Variants in TRAPPC12 observed in about 807,000 individuals in gnomAD.
The protein encoded by TRAPPC12 is TPR repeat protein 15.
Under a neutral mutation model 69.2 loss-of-function variants are expected in TRAPPC12, and 61 were observed. The ratio of observed to expected loss-of-function variants is 0.88; its 90% CI spans 0.72 to 1.09. TRAPPC12 has a LOEUF of 1.09. TRAPPC12 is among the 50% of genes least tolerant of loss of function. The pLI is 0.00. For missense variants in TRAPPC12, 1,101 were observed against 1,016.4 expected (o/e 1.08, Z -1.13); for synonymous variants, 469 against 438.9 (o/e 1.07, Z -0.86).
chr2:3,412,616 A>C (rs1341192242), intron 3 of TRAPPC12, among the ~76,000 whole-genome samples: 1 of 152,156 alleles, frequency 6.6e-6, no homozygotes, highest in East Asian at 1.9e-4. Context: ...CTCATCTTGC[A>C]ATGAGCAAGT....
intron 3 of TRAPPC12, among the ~76,000 whole-genome samples, chr2:3,415,766 G>A (rs538525456): frequency 1.5e-4 from 22 of 150,332 alleles, no homozygotes; most frequent in African/African-American, 4.7e-4. Flanking sequence ...GCCCAGGCTG[G>A]AGTACAGTGG....
rs148271290 is a variant in TRAPPC12 at position 3,471,594 on chromosome 2, C to G, written c.1776+5899C>G. ...TGGGGCCCAGTGGGAATTTCCAGTT[C>G]TGAAGGAAATCTGTGTTGTAAGCAA... On this transcript the variant is annotated intron_variant, in intron 9 of 11. Coordinates refer to ENST00000324266, the MANE Select transcript of TRAPPC12 (RefSeq NM_016030.6). Among the ~76,000 whole-genome samples the G allele has an allele frequency of 7.4e-3, 1,128 of 152,268 alleles. 12 individuals carry two copies. The highest frequency in any genetic ancestry group is 0.026 in the African/African-American group (1,090 of 41,548).
intron 5 of TRAPPC12, among the ~76,000 whole-genome samples, chr2:3,430,340 GT>G (rs1364717698): frequency 2.0e-5 from 3 of 152,216 alleles, no homozygotes; most frequent in Non-Finnish European, 2.9e-5. Flanking sequence ...CAGCCTGTCA[GT>G]TTGTTTCCCC....
chr2:3,463,796 C>CT (rs1356778977), intron 8 of TRAPPC12, among the ~76,000 whole-genome samples: 1 of 152,022 alleles, frequency 6.6e-6, no homozygotes, highest in Non-Finnish European at 1.5e-5. Context: ...AAGTCAAAGC[C>CT]TGCCTTTTGT....
chr2:3,466,972 A>G (rs1665844384), intron 9 of TRAPPC12, among the ~76,000 whole-genome samples: 1 of 152,178 alleles, frequency 6.6e-6, no homozygotes, highest in African/African-American at 2.4e-5. Context: ...CCTGGAGACA[A>G]TCTCGGAAAT....
chr2:3,408,254 C>T (rs1461022650), intron 3 of TRAPPC12, among the ~76,000 whole-genome samples: 1 of 152,236 alleles, frequency 6.6e-6, no homozygotes, highest in Non-Finnish European at 1.5e-5. Flanking sequence ...AAGCCTATCA[C>T]ACTGGCAGCA....
intron 6 of TRAPPC12, among the ~76,000 whole-genome samples, chr2:3,448,351 T>C (rs1239390656): frequency 1.3e-5 from 2 of 152,172 alleles, no homozygotes; most frequent in Non-Finnish European, 2.9e-5. Flanking sequence ...CTCTGATGCT[T>C]TGTAAAGCAG....
chr2:3,409,126 GC>G (rs1463124284), intron 3 of TRAPPC12, among the ~76,000 whole-genome samples: 1 of 152,166 alleles, frequency 6.6e-6, no homozygotes, highest in African/African-American at 2.4e-5. Context: ...TCACAACTTT[GC>G]AAAAAGTTAA....
intron 3 of TRAPPC12, among the ~76,000 whole-genome samples, chr2:3,402,766 A>G (rs137890499): frequency 1.3e-3 from 204 of 152,312 alleles, no homozygotes; most frequent in East Asian, 2.5e-3. Flanking sequence ...CAGGAATCCT[A>G]TGGTAGCCAT....
At position 3,388,215 on chromosome 2, in the gene TRAPPC12, C is replaced by T. The variant is rs201795564; in HGVS notation, c.592C>T (p.Gln198Ter). The T allele has an allele frequency of 1.2e-6, 2 of 1,609,012 alleles. No individual in the cohort carries two copies. The highest frequency in any genetic ancestry group is 1.7e-6 in the Non-Finnish European group (2 of 1,177,848). ...CGAGGCCTCGGCCAGGACACCGCCC[C>T]AGGTCGTGCAGCCCAGCCCCAGCCT... is the stretch of plus-strand genomic sequence containing the variant. Reference protein sequence around the residue: ...ASEASARTPPQVVQPSPSLST... With the variant: ...ASEASARTPP Residue 198 changes from glutamine to a stop codon, truncating the protein, a stop_gained, in exon 2 of 12, where the codon CAG becomes TAG. Coordinates refer to ENST00000324266, the MANE Select transcript of TRAPPC12 (RefSeq NM_016030.6). LOFTEE classifies it high-confidence loss of function.
intron 5 of TRAPPC12, among the ~76,000 whole-genome samples, chr2:3,439,180 A>C (rs1440810323): frequency 6.6e-6 from 1 of 152,206 alleles, no homozygotes. Context: ...TTTAATTTGC[A>C]GTTCCCTAAT....
chr2:3,399,928 C>T (rs927794651), intron 2 of TRAPPC12, among the ~76,000 whole-genome samples: 1 of 152,044 alleles, frequency 6.6e-6, no homozygotes. Flanking sequence ...TCAGTCACTG[C>T]GTGCTCCCAG....
intron 5 of TRAPPC12, among the ~76,000 whole-genome samples, chr2:3,424,922 G>A (rs1292099418): frequency 6.6e-6 from 1 of 152,262 alleles, no homozygotes; most frequent in Non-Finnish European, 1.5e-5. Flanking sequence ...AGGGCAGCAT[G>A]ATTTGGTGCA....
chr2:3,388,304 T>A lies in TRAPPC12; in HGVS notation c.681T>A (p.Phe227Leu), dbSNP rs10865541. Residue 227 changes from phenylalanine to leucine, a missense_variant, in exon 2 of 12, where the codon TTT (phenylalanine) becomes TTA (leucine). Physicochemically the swap from Phe to Leu is conservative, Grantham distance 22. Transcript: ENST00000324266. ...HSLASDFFDS[F>L]TTSAFISVSN... ...TGGCCTCGGACTTCTTCGACTCCTT[T>A]ACTACCTCCGCCTTCATTTCCGTCA... The A allele has an allele frequency of 9.3e-6, 15 of 1,606,796 alleles. No individual in the cohort carries two copies. In the South Asian group the frequency reaches 1.7e-4, roughly 18 times the overall value.
chr2:3,388,994 T>G (rs1660670607), intron 2 of TRAPPC12: 2 of 262,980 alleles, frequency 7.6e-6, no homozygotes, highest in Non-Finnish European at 1.4e-5. Context: ...TAAATCCATT[T>G]CTTTCTTTAA....
chr2:3,443,922 G>T, intron 6 of TRAPPC12, 31 bp downstream of exon 6: 1 of 1,547,774 alleles, frequency 6.5e-7, no homozygotes, highest in Non-Finnish European at 8.9e-7. Flanking sequence ...TCCCTGCCAC[G>T]GGGAGAACAT....
intron 6 of TRAPPC12, among the ~76,000 whole-genome samples, chr2:3,446,029 G>C (rs1343734215): frequency 2.6e-5 from 4 of 152,202 alleles, no homozygotes; most frequent in Non-Finnish European, 5.9e-5. Flanking sequence ...GAAACGAGAA[G>C]GGTTAGTGCA....
At chr2:3,438,864 G>A (rs960482620) in intron 5 of TRAPPC12, among the ~76,000 whole-genome samples, 1 of 152,026 alleles carries the variant, frequency 6.6e-6, no homozygotes, top group Non-Finnish European at 1.5e-5. Context: ...TCTGGTTTTT[G>A]ACAATTATGA....
chr2:3,413,156 G>A (rs1037619727), intron 3 of TRAPPC12, among the ~76,000 whole-genome samples: 2 of 152,136 alleles, frequency 1.3e-5, no homozygotes, highest in African/African-American at 4.8e-5. Flanking sequence ...CATAAAAACT[G>A]GCAGTTTCCT....
Sources: allele counts gnomAD v4.1 joint callset (sites outside exome capture counted in the v4.1 genomes callset), GRCh38; gene constraint gnomAD v4.1.1; transcripts MANE v1.5; gene names NCBI Gene and HGNC (gene_info 2026-07-23, HGNC 2026-07-21).